The following DRD3 variants were observed in gnomAD, a reference collection of about 807,000 sequenced individuals.
DRD3 encodes the protein dopamine receptor D3.
Under a neutral mutation model 36.3 loss-of-function variants are expected in DRD3, and 19 were observed. The observed-to-expected ratio is 0.52, with a 90% confidence interval of 0.36 to 0.77. The LOEUF (loss-of-function observed/expected upper bound fraction) is 0.77, where lower values mean the gene tolerates loss of function less well. Ranked by LOEUF, DRD3 falls within the 30% of genes least tolerant of loss-of-function variation. The pLI is 0.00. For synonymous variants in DRD3, 195 were observed against 203.7 expected (o/e 0.96, Z 0.36); for missense variants, 465 against 505.3 (o/e 0.92, Z 0.77).
chr3:114,128,711 C>T lies in DRD3; in HGVS notation c.*5G>A. 6.3e-7 allele frequency: 1 copy of T among 1,586,320 alleles called. No homozygotes were observed. Among genetic ancestry groups the T allele is most frequent in the Non-Finnish European group, 8.6e-7 (1 of 1,164,674 alleles). On this transcript the variant is annotated 3_prime_UTR_variant, in exon 7 of 7. Coordinates refer to ENST00000383673, the MANE Select transcript of DRD3 (RefSeq NM_000796.6). ...GGTACAAAGAGTGTTCCCTCTTCTGCTCCCTCAGCAAGACAGGATCTTGAG... is the reference window on the plus strand; with the variant it reads ...GGTACAAAGAGTGTTCCCTCTTCTGTTCCCTCAGCAAGACAGGATCTTGAG...
At chr3:114,161,948 G>C (rs138536538) in intron 2 of DRD3, among the ~76,000 whole-genome samples, 1 of 152,322 alleles carries the variant, frequency 6.6e-6, no homozygotes, top group East Asian at 1.9e-4. Context: ...ATGTTTGTTT[G>C]TGTTTTGGGC....
chr3:114,157,008 CTCTT>C (rs1282077313), intron 3 of DRD3, among the ~76,000 whole-genome samples: 61 of 138,560 alleles, frequency 4.4e-4, no homozygotes, highest in African/African-American at 1.2e-3. Flanking sequence ...CTCTCTCTCT[CTCTT>C]TCTTTCTTTC....
Position 114,152,826 on chromosome 3 carries a change from C to G in DRD3, c.384-5269G>C, listed in dbSNP as rs368777207. On this transcript the variant is annotated intron_variant, in intron 3 of 6. Transcript: ENST00000383673. ...CACGTGACCGACTGCAGGCGAGGGC[C>G]GCGCCAAAGCACCCGGAGGGCTGGG... Among the ~76,000 whole-genome samples, 4 of 152,248 alleles carry G rather than the reference C, an allele frequency of 2.6e-5. No individual in the cohort carries two copies. In the East Asian group the frequency reaches 7.7e-4, roughly 29 times the overall value.
At chr3:114,153,191 A>G (rs1283112595) in intron 3 of DRD3, among the ~76,000 whole-genome samples, 1 of 151,796 alleles carries the variant, frequency 6.6e-6, no homozygotes, top group African/African-American at 2.4e-5. Context: ...CAATTTTCTC[A>G]TCTGTACAAT....
At chr3:114,167,103 C>T (rs2077793091) in intron 2 of DRD3, among the ~76,000 whole-genome samples, 2 of 152,172 alleles carry the variant, frequency 1.3e-5, no homozygotes, top group Non-Finnish European at 2.9e-5. Context: ...TCTTTCATCA[C>T]AGTCCGACCT....
chr3:114,147,973 T>A (rs1427918996), intron 3 of DRD3, among the ~76,000 whole-genome samples: 1 of 152,150 alleles, frequency 6.6e-6, no homozygotes, highest in Non-Finnish European at 1.5e-5. Context: ...TGAAAGAAGT[T>A]CGTAGAGAAA....
rs746502791 is a variant in DRD3, at chr3:114,128,840, A to G, written c.1079T>C (p.Val360Ala). ...VLNTHCQTCH[V>A]SPELYSATTW... is the part of the protein sequence containing the mutation. ...CGTGGCACTGTAAAGCTCTGGGGAC[A>G]CGTGGCATGTCTGGCAGTGGGTATT... The change falls in exon 7 of 7, where the codon GTG becomes GCG. Residue 360 changes from valine to alanine, a missense_variant. Coordinates refer to ENST00000383673, the MANE Select transcript of DRD3 (RefSeq NM_000796.6). 1 of 1,613,982 alleles carries G rather than the reference A, an allele frequency of 6.2e-7. No individual in the cohort carries two copies.
chr3:114,167,537 C>CAGGCT (rs2077797381), intron 2 of DRD3, among the ~76,000 whole-genome samples: 1 of 152,140 alleles, frequency 6.6e-6, no homozygotes, highest in Non-Finnish European at 1.5e-5. Flanking sequence ...GGTTTTTGTC[C>CAGGCT]TGAACTTATC....
chr3:114,156,912 TTTCC>T (rs200935636), intron 3 of DRD3, among the ~76,000 whole-genome samples: 1,781 of 147,920 alleles, frequency 0.012, 42 homozygotes, highest in African/African-American at 0.039. Context: ...TCCTTCCTTC[TTTCC>T]TTCCTTCCTT....
chr3:114,144,470 G>T (rs1185789730), intron 4 of DRD3, among the ~76,000 whole-genome samples: 1 of 152,094 alleles, frequency 6.6e-6, no homozygotes, highest in African/African-American at 2.4e-5. Context: ...ATAGATGAGA[G>T]AATTGCTGCA....
At chr3:114,195,089 G>A (rs1322025986) in intron 1 of DRD3, among the ~76,000 whole-genome samples, 3 of 152,154 alleles carry the variant, frequency 2.0e-5, no homozygotes, top group Non-Finnish European at 2.9e-5. Context: ...GGCTTATCAA[G>A]TACTTTAGGC....
intron 3 of DRD3, 121 bp from the exon 4 acceptor site, chr3:114,147,678 G>T: frequency 8.4e-7 from 1 of 1,191,192 alleles, no homozygotes; most frequent in Non-Finnish European, 1.2e-6. Flanking sequence ...AGGCAGAAGT[G>T]CAGTGGCATG....
rs560749107 is a variant in DRD3 at position 114,166,929 on chromosome 3, A to C, written c.270+4794T>G. ...AGAGTTTGGTGACGAGATCGTGAGA[A>C]TCTCCTGTCTTTGTTTTCCAGTAGG... On this transcript the variant is annotated intron_variant, in intron 2 of 6. Transcript: ENST00000383673. 5.3e-5 allele frequency among the ~76,000 whole-genome samples: 8 copies of C among 152,318 alleles called. No individual in the cohort carries two copies. The South Asian group carries it at 1.7e-3, about 32-fold the overall frequency.
chr3:114,165,117 A>G (rs996721258), intron 2 of DRD3, among the ~76,000 whole-genome samples: 1 of 152,250 alleles, frequency 6.6e-6, no homozygotes, highest in African/African-American at 2.4e-5. Flanking sequence ...TTATTGAAAT[A>G]TAATTGTCAA....
chr3:114,156,806 CT>C (rs2077681519), intron 3 of DRD3, among the ~76,000 whole-genome samples: 1 of 98,212 alleles, frequency 1.0e-5, no homozygotes, highest in African/African-American at 3.8e-5. Flanking sequence ...TTTCTCTTTT[CT>C]TTTTCTTTCT....
chr3:114,132,141 G>A (rs1207919686), intron 5 of DRD3, among the ~76,000 whole-genome samples: 1 of 152,122 alleles, frequency 6.6e-6, no homozygotes, highest in Non-Finnish European at 1.5e-5. Flanking sequence ...CAATAGCAAA[G>A]ACTTGGAACC....
chr3:114,137,910 A>G (rs909187665), intron 5 of DRD3, among the ~76,000 whole-genome samples: 4 of 147,550 alleles, frequency 2.7e-5, no homozygotes, highest in African/African-American at 1.0e-4. Flanking sequence ...AGGCAGGAGA[A>G]TGGCGTGAAC....
At chr3:114,192,952 T>C (rs919684499) in intron 1 of DRD3, among the ~76,000 whole-genome samples, 4 of 151,914 alleles carry the variant, frequency 2.6e-5, no homozygotes, top group African/African-American at 9.7e-5. Flanking sequence ...ATAGGTAGAT[T>C]GGAAATTTAA....
At chr3:114,191,886 T>C (rs1405444783) in intron 1 of DRD3, among the ~76,000 whole-genome samples, 2 of 152,156 alleles carry the variant, frequency 1.3e-5, no homozygotes, top group African/African-American at 4.8e-5. Context: ...ATCAATCAAT[T>C]AGAGGAAACA....
Sources: allele counts gnomAD v4.1 joint callset (sites outside exome capture counted in the v4.1 genomes callset), GRCh38; gene constraint gnomAD v4.1.1; transcripts MANE v1.5; gene names NCBI Gene and HGNC (gene_info 2026-07-23, HGNC 2026-07-21).